Variants in MAP3K20 observed in about 807,000 individuals in gnomAD.
The protein encoded by MAP3K20 is HCCS-4.
In MAP3K20, 40 loss-of-function variants were observed where a neutral mutation model predicts 85.7. The ratio of observed to expected loss-of-function variants is 0.47; its 90% CI spans 0.36 to 0.61. The LOEUF (loss-of-function observed/expected upper bound fraction) is 0.61. MAP3K20 is among the 20% of genes least tolerant of loss of function. The pLI is 0.00. For missense variants in MAP3K20, 817 were observed against 961.7 expected (o/e 0.85, Z 1.99); for synonymous variants, 325 against 327.7 (o/e 0.99, Z 0.09).
chr2:173,222,238 A>G (rs1390436660), intron 11 of MAP3K20: 19 of 985,746 alleles, frequency 1.9e-5, no homozygotes, highest in Non-Finnish European at 2.2e-5. Flanking sequence ...TTGATAGTAC[A>G]AAATCCAACA....
At chr2:173,196,383 C>T (rs962828128) in intron 7 of MAP3K20, among the ~76,000 whole-genome samples, 14 of 152,126 alleles carry the variant, frequency 9.2e-5, no homozygotes, top group African/African-American at 2.7e-4. Flanking sequence ...CCTTCCTTTA[C>T]GTGTGGTGTT....
chr2:173,257,632 A>G (rs1350746860), intron 16 of MAP3K20, among the ~76,000 whole-genome samples: 2 of 152,206 alleles, frequency 1.3e-5, no homozygotes, highest in African/African-American at 4.8e-5. Flanking sequence ...GAACACATCT[A>G]GACAAGTCTT....
intron 14 of MAP3K20, among the ~76,000 whole-genome samples, chr2:173,235,084 G>A (rs1037461124): frequency 2.8e-4 from 42 of 152,192 alleles, no homozygotes; most frequent in Non-Finnish European, 5.9e-5. Context: ...GGCTGGGGCC[G>A]CTGTCGCAGG....
chr2:173,119,358 A>T (rs1328550096), intron 2 of MAP3K20, among the ~76,000 whole-genome samples: 2 of 152,176 alleles, frequency 1.3e-5, no homozygotes, highest in African/African-American at 4.8e-5. Context: ...GCTGGCCCAC[A>T]AGAGTCTTCT....
At chr2:173,133,826 A>G (rs918954677) in intron 2 of MAP3K20, among the ~76,000 whole-genome samples, 19 of 151,682 alleles carry the variant, frequency 1.3e-4, no homozygotes, top group Admixed American at 2.6e-4. Flanking sequence ...CTACTAAAAA[A>G]AAAAAATCCA....
At chr2:173,148,719 G>GTTATT (rs1383766156) in intron 2 of MAP3K20, among the ~76,000 whole-genome samples, 2 of 152,214 alleles carry the variant, frequency 1.3e-5, no homozygotes, top group Non-Finnish European at 2.9e-5. Flanking sequence ...CAGGAAATGT[G>GTTATT]TGGGTATTTG....
intron 2 of MAP3K20, among the ~76,000 whole-genome samples, chr2:173,104,511 A>G (rs1181148768): frequency 6.6e-6 from 1 of 152,202 alleles, no homozygotes; most frequent in Non-Finnish European, 1.5e-5. Flanking sequence ...AGAACAGAAA[A>G]AAAAAGATGT....
At chr2:173,224,469 C>T in intron 11 of MAP3K20, 1 of 985,346 alleles carries the variant, frequency 1.0e-6, no homozygotes, top group Non-Finnish European at 1.2e-6. Flanking sequence ...TAACAGGACT[C>T]TGTACTGGAC....
rs1559274048 is a variant in MAP3K20, at chr2:173,198,096, T to TA, written c.654dup (p.Val219SerfsTer19). Reference sequence around the variant, plus strand: ...GAAGGATTACAAGTAGCTTGGCTTGTAGTGGAAAAAAACGAGGTAAGACTA... The same window carrying TA: ...GAAGGATTACAAGTAGCTTGGCTTGTAAGTGGAAAAAAACGAGGTAAGACTA... On this transcript the variant is annotated frameshift_variant, in exon 8 of 20. Coordinates refer to ENST00000375213, the MANE Select transcript of MAP3K20 (RefSeq NM_016653.3). LOFTEE classifies it high-confidence loss of function. This position sits in a 1 kb window ranked among gnomAD's most constrained non-coding sequence, Gnocchi z 5.8. 6.2e-7 allele frequency: 1 copy of TA among 1,612,968 alleles called. No individual in the cohort carries two copies. Among genetic ancestry groups the TA allele is most frequent in the Admixed American group, 1.7e-5 (1 of 59,990 alleles).
intron 1 of MAP3K20, 85 bp downstream of exon 1, chr2:173,076,087 G>T: frequency 2.1e-6 from 2 of 935,938 alleles, no homozygotes; most frequent in Non-Finnish European, 2.5e-6. Context: ...GCGTCTCGGG[G>T]CCGAGGCTCC....
chr2:173,249,654 C>T (rs971990008), intron 16 of MAP3K20, among the ~76,000 whole-genome samples: 1 of 152,096 alleles, frequency 6.6e-6, no homozygotes. Context: ...CTTAGGCAAG[C>T]GAGATCAACT....
rs111259571 is a variant in MAP3K20 at position 173,164,954 on chromosome 2, C to G, written c.160-4851C>G. On this transcript the variant is annotated intron_variant, in intron 2 of 19. Transcript: ENST00000375213. ...ACAAACTAAAACTTCTGTAATTTTT[C>G]TGATAAAGGAAAGAGGAAAGGAGAA... Among the ~76,000 whole-genome samples, 989 of 152,160 alleles carry G rather than the reference C, an allele frequency of 6.5e-3. 6 individuals carry two copies. The highest frequency in any genetic ancestry group is 8.1e-3 in the Non-Finnish European group (548 of 68,006).
intron 2 of MAP3K20, among the ~76,000 whole-genome samples, chr2:173,114,245 CT>C (rs1263839239): frequency 1.3e-5 from 2 of 152,114 alleles, no homozygotes; most frequent in Non-Finnish European, 2.9e-5. Context: ...CATGAAATGT[CT>C]TTTTCCACGC....
At chr2:173,202,104 C>G (rs1691085697) in intron 8 of MAP3K20, among the ~76,000 whole-genome samples, 1 of 152,038 alleles carries the variant, frequency 6.6e-6, no homozygotes, top group Non-Finnish European at 1.5e-5. Flanking sequence ...TTATTAATTC[C>G]CAGCCCCCAA....
At chr2:173,253,023 T>C (rs1045761815) in intron 16 of MAP3K20, among the ~76,000 whole-genome samples, 2 of 152,192 alleles carry the variant, frequency 1.3e-5, no homozygotes, top group African/African-American at 4.8e-5. Context: ...TCTTCTCTTT[T>C]TCATCTCTGA....
chr2:173,079,089 C>G (rs1469592616), intron 1 of MAP3K20, among the ~76,000 whole-genome samples: 1 of 152,174 alleles, frequency 6.6e-6, no homozygotes, highest in Non-Finnish European at 1.5e-5. Context: ...GTAAATACCA[C>G]AGCGTGCACC....
chr2:173,170,378 A>G (rs1392806881), intron 3 of MAP3K20, among the ~76,000 whole-genome samples: 9 of 152,240 alleles, frequency 5.9e-5, no homozygotes, highest in Non-Finnish European at 1.0e-4. Context: ...GATCTAAATT[A>G]TCACATAATT....
At chr2:173,193,529 A>T (rs1160939509) in intron 7 of MAP3K20, among the ~76,000 whole-genome samples, 1 of 152,178 alleles carries the variant, frequency 6.6e-6, no homozygotes, top group Non-Finnish European at 1.5e-5. Context: ...TTTTCCTGAG[A>T]TGAAGTACAA....
intron 10 of MAP3K20, chr2:173,210,923 C>G (rs1453170071): frequency 1.3e-5 from 2 of 152,030 alleles, no homozygotes; most frequent in Admixed American, 1.3e-4. Context: ...AATATCTTAT[C>G]TAGGGCTAGT....
Sources: gnomAD v4.1 joint callset for allele counts (sites outside exome capture counted in the v4.1 genomes callset) on GRCh38, gnomAD v4.1.1 for gene constraint, Gnocchi (gnomAD v3.1) non-coding constraint, MANE v1.5 for transcripts, NCBI Gene and HGNC (gene_info 2026-07-23, HGNC 2026-07-21) for gene names.